The following ARID1B variants were observed in gnomAD, a reference collection of about 807,000 sequenced individuals.
ARID1B encodes AT-rich interaction domain 1B.
In ARID1B, 30 loss-of-function variants were observed where a neutral mutation model predicts 212.3. That is an observed-to-expected ratio of 0.14 (90% CI 0.11 to 0.19). The LOEUF is 0.19. Ranked by LOEUF, ARID1B falls within the 10% of genes least tolerant of loss-of-function variation. The pLI is 1.00. For synonymous variants in ARID1B, 1,402 were observed against 1,301.7 expected, an observed-to-expected ratio of 1.08 and a Z score of -1.66; for missense variants, 2,891 against 3,204.0, an observed-to-expected ratio of 0.90 and a Z score of 2.36.
intron 2 of ARID1B, among the ~76,000 whole-genome samples, chr6:156,862,576 G>A (rs1490455249): frequency 6.6e-6 from 1 of 152,252 alleles, no homozygotes; most frequent in Admixed American, 6.5e-5. Flanking sequence ...GCACCGCCAT[G>A]CACTACAGAA....
chr6:156,888,091 G>A (rs1787660282), intron 2 of ARID1B, among the ~76,000 whole-genome samples: 1 of 152,204 alleles, frequency 6.6e-6, no homozygotes. Flanking sequence ...CGGTTACAAA[G>A]TTGACATTGC....
At chr6:157,115,929 A>G (rs1053441329) in intron 6 of ARID1B, among the ~76,000 whole-genome samples, 3 of 152,186 alleles carry the variant, frequency 2.0e-5, no homozygotes, top group Non-Finnish European at 4.4e-5. Context: ...TCACCTTGCC[A>G]AAAAATCAAG....
intron 1 of ARID1B, among the ~76,000 whole-genome samples, chr6:156,810,271 A>C (rs187748528): frequency 6.6e-6 from 1 of 152,320 alleles, no homozygotes; most frequent in Non-Finnish European, 1.5e-5. Context: ...ATATTTTGTC[A>C]TACTGATTCC....
chr6:157,203,976 G>A lies in ARID1B; in HGVS notation c.5374G>A (p.Ala1792Thr), dbSNP rs763822415. Residue 1792 changes from alanine to threonine, a missense_variant, in exon 19 of 20, where the codon GCT becomes ACT. Physicochemically the swap from Ala to Thr is moderately conservative, Grantham distance 58. Transcript: ENST00000636930. This position sits in a 1 kb window ranked among gnomAD's most constrained non-coding sequence, Gnocchi z 4.4. The stretch of plus-strand genomic sequence containing the variant: ...TCTTCTGTATGATGACAGCACTGTT[G>A]CTACTTTCAATCTCTCCCAGGTAAG... ...NILLYDDSTV[A>T]TFNLSQLSGF... The A allele has an allele frequency of 6.2e-7, 1 of 1,614,090 alleles. No individual in the cohort carries two copies. The highest frequency in any genetic ancestry group is 1.7e-5 in the Admixed American group (1 of 60,026).
chr6:156,826,979 C>T (rs1234840679), intron 1 of ARID1B, among the ~76,000 whole-genome samples: 1 of 152,134 alleles, frequency 6.6e-6, no homozygotes, highest in Admixed American at 6.5e-5. Context: ...TTCATATATT[C>T]CTCCTAAATA....
rs1383151685 is a variant in ARID1B at position 156,813,039 on chromosome 6, TATAC to T, written c.1792-16186_1792-16183del. Among the ~76,000 whole-genome samples the T allele has an allele frequency of 6.7e-3, 990 of 148,676 alleles. 6 individuals are homozygous for T. The highest frequency in any genetic ancestry group is 0.01 in the Non-Finnish European group (699 of 67,312). On this transcript the variant is annotated intron_variant, in intron 1 of 19. Coordinates refer to ENST00000636930, the MANE Select transcript of ARID1B (RefSeq NM_001374828.1). Reference sequence around the variant, plus strand: ...ACATACGTATGTATATACATATATATATACACATACGTATGTATATACATATATA... The same window carrying T: ...ACATACGTATGTATATACATATATATACATACGTATGTATATACATATATA...
intron 4 of ARID1B, among the ~76,000 whole-genome samples, chr6:156,967,422 A>G (rs1251081106): frequency 6.6e-6 from 1 of 152,212 alleles, no homozygotes; most frequent in Non-Finnish European, 1.5e-5. Context: ...GCTGTCACCA[A>G]TGAAGTTAAT....
chr6:157,007,739 T>C (rs1410618715), intron 4 of ARID1B, among the ~76,000 whole-genome samples: 1 of 139,148 alleles, frequency 7.2e-6, no homozygotes, highest in Non-Finnish European at 1.6e-5. Context: ...TTTTTTTTTT[T>C]TTTTCCCCAA....
At chr6:156,929,363 C>T (rs1161018173) in intron 3 of ARID1B, among the ~76,000 whole-genome samples, 1 of 152,080 alleles carries the variant, frequency 6.6e-6, no homozygotes, top group East Asian at 1.9e-4. Context: ...CAATAATATG[C>T]CAAATGTCTG....
At chr6:156,895,933 A>G (rs762889334) in intron 2 of ARID1B, among the ~76,000 whole-genome samples, 10 of 152,238 alleles carry the variant, frequency 6.6e-5, no homozygotes, top group South Asian at 4.1e-4. Context: ...ATACACTAAT[A>G]TCTTACGTAT....
intron 11 of ARID1B, among the ~76,000 whole-genome samples, chr6:157,177,693 G>A (rs1458949637): frequency 3.3e-5 from 5 of 152,184 alleles, no homozygotes; most frequent in Non-Finnish European, 7.3e-5. Flanking sequence ...GTATATGCAA[G>A]GAAAACATTT....
intron 2 of ARID1B, among the ~76,000 whole-genome samples, chr6:156,868,693 C>T (rs1404652109): frequency 6.6e-6 from 1 of 152,178 alleles, no homozygotes; most frequent in Non-Finnish European, 1.5e-5. Context: ...AATGCCATCA[C>T]CTGGAGGGTT....
chr6:156,782,102 CT>C (rs938420250), intron 1 of ARID1B, among the ~76,000 whole-genome samples: 8 of 144,606 alleles, frequency 5.5e-5, no homozygotes, highest in South Asian at 4.4e-4. Context: ...TTTTACAATC[CT>C]TTTTTTTCTT....
At position 157,146,769 on chromosome 6, in the gene ARID1B, T is replaced by C. The variant is rs62424331; in HGVS notation, c.2762-1855T>C. 3.9e-3 allele frequency among the ~76,000 whole-genome samples: 589 copies of C among 152,348 alleles called. 2 individuals carry two copies. Among genetic ancestry groups the C allele is most frequent in the Non-Finnish European group, 6.6e-3 (447 of 68,034 alleles). Reference sequence around the variant, plus strand: ...CTGGAATGTAGTAAGTGTATAGTTATGTTACATGGATGGAGAAAGGCTTCC... The same window carrying C: ...CTGGAATGTAGTAAGTGTATAGTTACGTTACATGGATGGAGAAAGGCTTCC... On this transcript the variant is annotated intron_variant, in intron 7 of 19. Coordinates refer to ENST00000636930, the MANE Select transcript of ARID1B (RefSeq NM_001374828.1).
intron 2 of ARID1B, among the ~76,000 whole-genome samples, chr6:156,875,850 TGTA>T (rs1392489768): frequency 2.0e-5 from 3 of 152,258 alleles, no homozygotes; most frequent in Non-Finnish European, 2.9e-5. Context: ...GGCTAACAAA[TGTA>T]GTAAATGTGA....
intron 5 of ARID1B, among the ~76,000 whole-genome samples, chr6:157,101,329 T>C (rs1014793629): frequency 1.3e-5 from 2 of 152,198 alleles, no homozygotes; most frequent in Non-Finnish European, 2.9e-5. Context: ...GATAGAGTTA[T>C]TTGCAAAGTG....
chr6:157,090,010 T>C (rs1785181444), intron 5 of ARID1B, among the ~76,000 whole-genome samples: 1 of 152,212 alleles, frequency 6.6e-6, no homozygotes, highest in Admixed American at 6.5e-5. Flanking sequence ...CCCTAATGCA[T>C]GGTGGAAGCT....
At chr6:156,809,663 C>T (rs1012377252) in intron 1 of ARID1B, among the ~76,000 whole-genome samples, 10 of 148,128 alleles carry the variant, frequency 6.8e-5, no homozygotes, top group Non-Finnish European at 1.5e-4. Context: ...ACCTGAGGCT[C>T]CTGTACCACC....
chr6:157,102,386 A>G (rs901771311), intron 5 of ARID1B, among the ~76,000 whole-genome samples: 18 of 152,312 alleles, frequency 1.2e-4, no homozygotes, highest in Non-Finnish European at 2.5e-4. Context: ...TGTACTTACC[A>G]TTTAAGTCTT....
Sources: allele counts gnomAD v4.1 joint callset (sites outside exome capture counted in the v4.1 genomes callset), GRCh38; gene constraint gnomAD v4.1.1; non-coding constraint Gnocchi (gnomAD v3.1); transcripts MANE v1.5; gene names NCBI Gene and HGNC (gene_info 2026-07-23, HGNC 2026-07-21).